PDE4D: variants seen among roughly 807,000 people sequenced by gnomAD.
PDE4D encodes phosphodiesterase 4D.
Under a neutral mutation model 87.4 loss-of-function variants are expected in PDE4D, and 24 were observed. The observed-to-expected ratio is 0.27, with a 90% CI of 0.20 to 0.39. PDE4D has a LOEUF of 0.39. Among genes scored for constraint, PDE4D ranks in the 10% least tolerant of loss-of-function variants. The pLI is 1.00. For synonymous variants in PDE4D, 384 were observed against 383.2 expected, an observed-to-expected ratio of 1.00 and a Z score of -0.02; for missense variants, 714 against 1,041.0, an observed-to-expected ratio of 0.69 and a Z score of 4.32.
At chr5:60,049,813 C>A (rs1769858833) in intron 2 of PDE4D, among the ~76,000 whole-genome samples, 5 of 152,346 alleles carry the variant, frequency 3.3e-5, no homozygotes, top group Admixed American at 3.3e-4. Flanking sequence ...TCACTGCTGT[C>A]TTTTTGTTTG....
intron 1 of PDE4D, among the ~76,000 whole-genome samples, chr5:60,453,706 C>T (rs997366301): frequency 2.6e-4 from 39 of 151,948 alleles, no homozygotes; most frequent in Non-Finnish European, 1.8e-4. Flanking sequence ...ATAGCTCCTC[C>T]TTTTCTGCCT....
chr5:60,015,209 T>C (rs937247933), intron 2 of PDE4D, among the ~76,000 whole-genome samples: 3 of 152,196 alleles, frequency 2.0e-5, no homozygotes, highest in Non-Finnish European at 2.9e-5. Context: ...ATTTTGGACC[T>C]TGAAGCTGGG....
At chr5:59,803,306 CTTTTT>C (rs71606604) in intron 1 of PDE4D, among the ~76,000 whole-genome samples, 1 of 130,450 alleles carries the variant, frequency 7.7e-6, no homozygotes, top group Non-Finnish European at 1.6e-5. Context: ...CTAGAAACTC[CTTTTT>C]TTTTTTTTTT....
intron 1 of PDE4D, among the ~76,000 whole-genome samples, chr5:59,668,758 GAAGA>G (rs1188773089): frequency 5.8e-4 from 77 of 133,224 alleles, no homozygotes; most frequent in African/African-American, 1.4e-3. Flanking sequence ...GAAGAAGAAA[GAAGA>G]AAGAAGAAGA....
rs534663853 is a variant in PDE4D at position 59,219,271 on chromosome 5, T to C, written c.456-3303A>G. Among the ~76,000 whole-genome samples, 6 of 152,180 alleles carry C rather than the reference T, an allele frequency of 3.9e-5. No homozygotes were observed. In the East Asian group the frequency reaches 7.7e-4, roughly 20 times the overall value. On this transcript the variant is annotated intron_variant, in intron 1 of 14. Coordinates refer to ENST00000340635, the MANE Select transcript of PDE4D (RefSeq NM_001104631.2). ...TCCGTAACAAATCACTGAGTACTTA[T>C]TGTGTTGGAGTAAAGTAACTTGAGC... is the stretch of plus-strand genomic sequence containing the variant.
At chr5:59,601,139 T>C (rs1827445868) in intron 1 of PDE4D, among the ~76,000 whole-genome samples, 1 of 152,148 alleles carries the variant, frequency 6.6e-6, no homozygotes, top group Non-Finnish European at 1.5e-5. Context: ...GACTAATTTG[T>C]GACAATGATA....
chr5:59,053,009 T>A (rs984971090), intron 5 of PDE4D, among the ~76,000 whole-genome samples: 12 of 152,116 alleles, frequency 7.9e-5, no homozygotes, highest in Non-Finnish European at 1.8e-4. Context: ...TTGATACTAG[T>A]AGTGGTATCA....
At chr5:60,096,934 C>A (rs774887158) in intron 2 of PDE4D, among the ~76,000 whole-genome samples, 1 of 152,024 alleles carries the variant, frequency 6.6e-6, no homozygotes, top group Non-Finnish European at 1.5e-5. Context: ...ACAGTTAATG[C>A]CTCAGAAAAC....
At chr5:59,020,170 T>A (rs34554235) in intron 6 of PDE4D, among the ~76,000 whole-genome samples, 15,311 of 152,156 alleles carry the variant, frequency 0.1, 1,034 homozygotes, top group Non-Finnish European at 0.13. Context: ...AAACTAAAAA[T>A]TTCATTCAAA....
At chr5:60,024,969 T>TG (rs1301607460) in intron 2 of PDE4D, among the ~76,000 whole-genome samples, 8 of 152,124 alleles carry the variant, frequency 5.3e-5, no homozygotes, top group African/African-American at 1.9e-4. Flanking sequence ...GTAGAACTCC[T>TG]GGCAAGGGAT....
At chr5:60,165,462 G>A (rs1782807414) in intron 2 of PDE4D, among the ~76,000 whole-genome samples, 1 of 151,922 alleles carries the variant, frequency 6.6e-6, no homozygotes, top group African/African-American at 2.4e-5. Context: ...CCAGCTTTGT[G>A]CTTTCTGCTC....
intron 2 of PDE4D, among the ~76,000 whole-genome samples, chr5:60,107,422 C>A (rs1329708298): frequency 5.3e-5 from 8 of 152,132 alleles, no homozygotes; most frequent in Admixed American, 1.3e-4. Context: ...CGAATTCTAC[C>A]AGAGGTACAA....
At chr5:59,947,322 C>T (rs576718300) in intron 3 of PDE4D, among the ~76,000 whole-genome samples, 8 of 152,302 alleles carry the variant, frequency 5.3e-5, no homozygotes, top group African/African-American at 1.9e-4. Flanking sequence ...CTTTCCTTCT[C>T]TCTTAACTTG....
intron 1 of PDE4D, among the ~76,000 whole-genome samples, chr5:59,534,871 G>A (rs185021494): frequency 1.2e-3 from 189 of 152,320 alleles, no homozygotes; most frequent in Admixed American, 2.9e-3. Context: ...AGTAGTGGTG[G>A]TGATGGAGGC....
intron 1 of PDE4D, among the ~76,000 whole-genome samples, chr5:60,513,052 A>G (rs1750645108): frequency 1.3e-5 from 2 of 152,342 alleles, no homozygotes; most frequent in South Asian, 2.1e-4. Context: ...ATTTTAAAAA[A>G]GGGGAAACAA....
At chr5:60,325,882 C>G (rs1756740788) in intron 1 of PDE4D, among the ~76,000 whole-genome samples, 1 of 152,102 alleles carries the variant, frequency 6.6e-6, no homozygotes, top group South Asian at 2.1e-4. Context: ...ATAATTTTGT[C>G]ATTTCAACAA....
At chr5:59,387,688 T>C (rs2153606295) in intron 1 of PDE4D, among the ~76,000 whole-genome samples, 1 of 152,236 alleles carries the variant, frequency 6.6e-6, no homozygotes, top group African/African-American at 2.4e-5. Flanking sequence ...AGAATGTATA[T>C]ATTTATGATG....
At chr5:60,429,697 C>T (rs1037570804) in intron 1 of PDE4D, among the ~76,000 whole-genome samples, 2 of 152,106 alleles carry the variant, frequency 1.3e-5, no homozygotes, top group Non-Finnish European at 2.9e-5. Context: ...TATCAAAAGC[C>T]TTTTCTGCAT....
At chr5:60,071,920 T>C (rs992779346) in intron 2 of PDE4D, among the ~76,000 whole-genome samples, 1 of 152,188 alleles carries the variant, frequency 6.6e-6, no homozygotes, top group South Asian at 2.1e-4. Context: ...CAGTTTACCA[T>C]TGATAGGCAT....
Sources: gnomAD v4.1 joint callset for allele counts (sites outside exome capture counted in the v4.1 genomes callset) on GRCh38, gnomAD v4.1.1 for gene constraint, MANE v1.5 for transcripts, NCBI Gene and HGNC (gene_info 2026-07-23, HGNC 2026-07-21) for gene names.